Variants in USH2A observed in about 807,000 individuals in gnomAD.
The protein encoded by USH2A is usherin.
A neutral mutation model predicts 538.9 loss-of-function variants in USH2A; 443 were observed. The observed-to-expected ratio is 0.82, with a 90% CI of 0.76 to 0.89. USH2A has a LOEUF of 0.89. Among genes scored for constraint, USH2A ranks in the 40% least tolerant of loss-of-function variants. The probability of loss-of-function intolerance (pLI) is 0.00; values close to 1 mark genes in which losing one functional copy is unlikely to be tolerated. For missense variants in USH2A, 6,633 were observed against 6,324.8 expected (o/e 1.05, Z -1.65); for synonymous variants, 2,413 against 2,273.5 (o/e 1.06, Z -1.75).
intron 42 of USH2A, among the ~76,000 whole-genome samples, chr1:215,878,146 G>T (rs540110622): frequency 6.6e-6 from 1 of 152,026 alleles, no homozygotes; most frequent in Non-Finnish European, 1.5e-5. Flanking sequence ...TTTCTTCTAA[G>T]TTAGATGTGC....
intron 20 of USH2A, among the ~76,000 whole-genome samples, chr1:216,183,844 G>A (rs2034539216): frequency 1.3e-5 from 2 of 151,952 alleles, no homozygotes; most frequent in African/African-American, 4.8e-5. Context: ...TCTTTCCTAA[G>A]AACTGACTTA....
chr1:216,071,334 A>G (rs929568416), intron 29 of USH2A, among the ~76,000 whole-genome samples: 3 of 152,192 alleles, frequency 2.0e-5, no homozygotes, highest in Non-Finnish European at 4.4e-5. Context: ...AGCAGTTAAA[A>G]CACTACAGAC....
At chr1:216,071,968 T>C (rs898080275) in intron 29 of USH2A, among the ~76,000 whole-genome samples, 1 of 152,218 alleles carries the variant, frequency 6.6e-6, no homozygotes, top group African/African-American at 2.4e-5. Context: ...TGAAAATTAT[T>C]CTTAGTTGCT....
chr1:215,929,316 G>T (rs1010165724), intron 38 of USH2A, among the ~76,000 whole-genome samples: 6 of 151,968 alleles, frequency 3.9e-5, no homozygotes, highest in African/African-American at 1.4e-4. Context: ...AAAAATCTTC[G>T]CAAATTATGA....
intron 4 of USH2A, among the ~76,000 whole-genome samples, chr1:216,357,930 C>G (rs2038419485): frequency 6.6e-6 from 1 of 152,072 alleles, no homozygotes; most frequent in South Asian, 2.1e-4. Context: ...AGAAAATGTT[C>G]TAAAAAGGAG....
At chr1:215,897,368 C>T (rs375324692) in intron 40 of USH2A, among the ~76,000 whole-genome samples, 4 of 152,192 alleles carry the variant, frequency 2.6e-5, no homozygotes, top group South Asian at 2.1e-4. Context: ...TTCTGTAAGA[C>T]GATATGTGAA....
intron 50 of USH2A, among the ~76,000 whole-genome samples, chr1:215,796,180 G>C (rs1662128678): frequency 6.6e-6 from 1 of 152,074 alleles, no homozygotes; most frequent in Admixed American, 6.5e-5. Flanking sequence ...GAGAGAATAA[G>C]AGTTAAAAAG....
At chr1:216,121,477 C>T (rs1182276986) in intron 21 of USH2A, among the ~76,000 whole-genome samples, 1 of 151,906 alleles carries the variant, frequency 6.6e-6, no homozygotes, top group East Asian at 1.9e-4. Context: ...ATTATACTCA[C>T]CACTGGTAAA....
intron 4 of USH2A, among the ~76,000 whole-genome samples, chr1:216,344,803 G>C (rs2038142448): frequency 6.6e-6 from 1 of 151,568 alleles, no homozygotes; most frequent in Non-Finnish European, 1.5e-5. Context: ...ACTTAAGAAG[G>C]TTAGAGTCCT....
At chr1:215,692,667 G>A (rs11120606) in intron 61 of USH2A, among the ~76,000 whole-genome samples, 29,656 of 152,022 alleles carry the variant, frequency 0.2, 3,202 homozygotes, top group South Asian at 0.47. Context: ...TGCAACAACA[G>A]TACTTCATAG....
intron 38 of USH2A, among the ~76,000 whole-genome samples, chr1:215,902,133 T>G (rs892998920): frequency 2.0e-5 from 3 of 152,160 alleles, no homozygotes; most frequent in African/African-American, 7.2e-5. Context: ...TAATATAGGT[T>G]CCTAATGACC....
chr1:216,223,455 C>T (rs1052891023), intron 14 of USH2A, among the ~76,000 whole-genome samples: 2 of 152,188 alleles, frequency 1.3e-5, no homozygotes, highest in South Asian at 4.1e-4. Context: ...ATTAGTTCTA[C>T]TCATCAAAAG....
chr1:215,640,554 T>G lies in USH2A; in HGVS notation c.14968+4A>C. Reference sequence around the variant, plus strand: ...ACACTGAGAAACAGGAGTCAGAAACTAACTTTTGTCCGCCGTTCTCGGTAT... The same window carrying G: ...ACACTGAGAAACAGGAGTCAGAAACGAACTTTTGTCCGCCGTTCTCGGTAT... On this transcript the variant is annotated splice_donor_region_variant and intron_variant, in intron 68 of 71. Transcript: ENST00000307340. The G allele has an allele frequency of 6.2e-7, 1 of 1,613,602 alleles. No individual in the cohort carries two copies. The highest frequency in any genetic ancestry group is 8.5e-7 in the Non-Finnish European group (1 of 1,179,960).
intron 21 of USH2A, among the ~76,000 whole-genome samples, chr1:216,152,020 A>C (rs531333): frequency 0.9 from 136,274 of 151,926 alleles, 61,381 homozygotes; most frequent in East Asian, 0.98. Context: ...ACAATATCAC[A>C]CCTTACCACA....
intron 11 of USH2A, among the ~76,000 whole-genome samples, chr1:216,275,601 T>A (rs2036656859): frequency 1.3e-5 from 2 of 152,088 alleles, no homozygotes; most frequent in African/African-American, 2.4e-5. Flanking sequence ...AAGGTATCCA[T>A]CTGAGATGAC....
At chr1:216,307,882 G>A (rs956021521) in intron 9 of USH2A, among the ~76,000 whole-genome samples, 1 of 152,150 alleles carries the variant, frequency 6.6e-6, no homozygotes, top group African/African-American at 2.4e-5. Flanking sequence ...ATGTGTTCAG[G>A]GGTGGAAGAT....
chr1:215,628,794 G>T lies in USH2A; in HGVS notation c.15519+20C>A, dbSNP rs1216278591. 7 of 1,612,896 alleles carry T rather than the reference G, an allele frequency of 4.3e-6. No homozygotes were observed. Among genetic ancestry groups the T allele is most frequent in the African/African-American group, 1.3e-5 (1 of 74,926 alleles). ...TTCTGGGATATTTAGCAAAGGCCCT[G>T]TATGAGGAAACCAACTCACCAGTCC... On this transcript the variant is annotated intron_variant, in intron 71 of 71. Transcript: ENST00000307340.
intron 32 of USH2A, among the ~76,000 whole-genome samples, chr1:216,013,988 A>T (rs1668641566): frequency 6.6e-6 from 1 of 152,230 alleles, no homozygotes; most frequent in Admixed American, 6.5e-5. Flanking sequence ...AGTTGTTTTT[A>T]TGCCTGTACT....
chr1:216,084,718 C>T lies in USH2A; in HGVS notation c.5147G>A (p.Gly1716Glu), dbSNP rs755257033. The T allele has an allele frequency of 2.5e-6, 4 of 1,613,204 alleles. No homozygotes were observed. Among genetic ancestry groups the T allele is most frequent in the South Asian group, 2.2e-5 (2 of 91,066 alleles). ...WEGCPASLNE[G>E]AQFLGAGFLE... ...ATTACCTGCTCCTAGGAACTGAGCT[C>T]CCTCATTTAATGAAGCGGGACATCC... The change falls in exon 25 of 72, where the codon GGA becomes GAA. Residue 1716 changes from glycine to glutamate, a missense_variant. Gly to Glu is a moderately conservative substitution (Grantham distance 98). Coordinates refer to ENST00000307340, the MANE Select transcript of USH2A (RefSeq NM_206933.4).
Sources: allele counts gnomAD v4.1 joint callset (sites outside exome capture counted in the v4.1 genomes callset), GRCh38; gene constraint gnomAD v4.1.1; transcripts MANE v1.5; gene names NCBI Gene and HGNC (gene_info 2026-07-23, HGNC 2026-07-21).